KIAA1217: variants seen among roughly 807,000 people sequenced by gnomAD.
KIAA1217 encodes the protein KIAA1217.
KIAA1217 carries 88 observed loss-of-function variants against 163.9 expected under a neutral mutation model. The ratio of observed to expected loss-of-function variants is 0.54; its 90% CI spans 0.45 to 0.64. KIAA1217 has a LOEUF of 0.64. Among genes scored for constraint, KIAA1217 ranks in the 30% least tolerant of loss-of-function variants. The probability of loss-of-function intolerance (pLI) is 0.00; values close to 1 mark genes in which losing one functional copy is unlikely to be tolerated. For synonymous variants in KIAA1217, 903 were observed against 923.1 expected, an observed-to-expected ratio of 0.98 and a Z score of 0.39; for missense variants, 2,372 against 2,475.0, an observed-to-expected ratio of 0.96 and a Z score of 0.88.
chr10:24,417,767 T>A (rs769713034), intron 3 of KIAA1217, among the ~76,000 whole-genome samples: 1 of 152,088 alleles, frequency 6.6e-6, no homozygotes, highest in Non-Finnish European at 1.5e-5. Context: ...AAAAATGAGC[T>A]TGAAAAATTA....
intron 2 of KIAA1217, among the ~76,000 whole-genome samples, chr10:24,367,957 G>A (rs1415751615): frequency 6.6e-6 from 1 of 152,150 alleles, no homozygotes; most frequent in Non-Finnish European, 1.5e-5. Context: ...CTTCCCATTG[G>A]TCAGTCTTCA....
At chr10:23,771,559 A>C (rs1269707632) in intron 1 of KIAA1217, among the ~76,000 whole-genome samples, 1 of 152,218 alleles carries the variant, frequency 6.6e-6, no homozygotes, top group East Asian at 1.9e-4. Context: ...AAACTTTTAA[A>C]TGTTAAGGCA....
chr10:23,706,253 C>A lies in KIAA1217; in HGVS notation c.-321+11019C>A, dbSNP rs187653551. Among the ~76,000 whole-genome samples, 12 of 152,206 alleles carry A rather than the reference C, an allele frequency of 7.9e-5. No homozygotes were observed. The East Asian group carries it at 2.3e-3, about 29-fold the overall frequency. ...AATCTAGATGTGTTTTTCTACCTCCCTCCCTTTTTTACTTCCTTGCCTAAT... is the reference window on the plus strand; with the variant it reads ...AATCTAGATGTGTTTTTCTACCTCCATCCCTTTTTTACTTCCTTGCCTAAT... On this transcript the variant is annotated intron_variant, in intron 1 of 18. Transcript: ENST00000376462.
At chr10:24,360,558 G>A (rs2049834419) in intron 2 of KIAA1217, among the ~76,000 whole-genome samples, 1 of 152,156 alleles carries the variant, frequency 6.6e-6, no homozygotes, top group African/African-American at 2.4e-5. Flanking sequence ...GCCCGAGTTT[G>A]AACCAGGGCC....
chr10:24,471,106 C>G (rs1020881066), intron 5 of KIAA1217, among the ~76,000 whole-genome samples: 1 of 152,150 alleles, frequency 6.6e-6, no homozygotes, highest in East Asian at 1.9e-4. Context: ...TAGTTTGTAT[C>G]CTGTGCATTA....
intron 1 of KIAA1217, among the ~76,000 whole-genome samples, chr10:23,955,920 C>T (rs1218243820): frequency 6.6e-6 from 1 of 152,074 alleles, no homozygotes; most frequent in Non-Finnish European, 1.5e-5. Context: ...CAATCAGAGG[C>T]CTGCAATCTT....
At chr10:24,138,681 T>C (rs2063932431) in intron 2 of KIAA1217, among the ~76,000 whole-genome samples, 1 of 151,558 alleles carries the variant, frequency 6.6e-6, no homozygotes. Flanking sequence ...AACATTTATA[T>C]ATCACCACTT....
intron 2 of KIAA1217, among the ~76,000 whole-genome samples, chr10:24,246,875 A>G (rs1325032508): frequency 6.6e-6 from 1 of 151,990 alleles, no homozygotes; most frequent in Non-Finnish European, 1.5e-5. Context: ...TTAGCTGCAC[A>G]CGGTGGTGCG....
At chr10:24,467,259 G>C (rs1006341113) in intron 5 of KIAA1217, among the ~76,000 whole-genome samples, 12 of 152,206 alleles carry the variant, frequency 7.9e-5, no homozygotes, top group Admixed American at 3.3e-4. Flanking sequence ...ACAGCATTTT[G>C]ATCCGTGTGC....
At chr10:23,982,102 T>A (rs930121126) in intron 1 of KIAA1217, among the ~76,000 whole-genome samples, 2 of 151,894 alleles carry the variant, frequency 1.3e-5, no homozygotes, top group Non-Finnish European at 2.9e-5. Flanking sequence ...GGAAATCTTG[T>A]GGTGACTCTG....
intron 1 of KIAA1217, among the ~76,000 whole-genome samples, chr10:23,743,378 T>C (rs1167166670): frequency 6.6e-6 from 1 of 152,206 alleles, no homozygotes; most frequent in Non-Finnish European, 1.5e-5. Context: ...ATGTGATATG[T>C]ACTAAAATCA....
intron 1 of KIAA1217, among the ~76,000 whole-genome samples, chr10:23,804,843 A>G (rs758207344): frequency 6.6e-6 from 1 of 152,208 alleles, no homozygotes; most frequent in Non-Finnish European, 1.5e-5. Flanking sequence ...GTATTTAATG[A>G]CACCTTAATA....
At chr10:24,185,156 CT>C (rs1281941104) in intron 2 of KIAA1217, among the ~76,000 whole-genome samples, 1 of 152,120 alleles carries the variant, frequency 6.6e-6, no homozygotes, top group Admixed American at 6.5e-5. Context: ...AGAGGGAACT[CT>C]CAGAATCACC....
chr10:24,460,957 G>A (rs2132590461), intron 5 of KIAA1217, among the ~76,000 whole-genome samples: 1 of 152,286 alleles, frequency 6.6e-6, no homozygotes, highest in Middle Eastern at 3.4e-3. Flanking sequence ...ATGAGGCTGT[G>A]AGAAAGGAGT....
At chr10:24,290,756 C>G (rs774962105) in intron 2 of KIAA1217, among the ~76,000 whole-genome samples, 8 of 152,000 alleles carry the variant, frequency 5.3e-5, no homozygotes, top group Admixed American at 1.3e-4. Flanking sequence ...GTGCCCACCA[C>G]CATGCCTGGC....
At chr10:24,104,766 G>C (rs1156637680) in intron 2 of KIAA1217, among the ~76,000 whole-genome samples, 1 of 152,192 alleles carries the variant, frequency 6.6e-6, no homozygotes, top group Non-Finnish European at 1.5e-5. Flanking sequence ...ACAAAAAGTA[G>C]ACGGTGACTT....
chr10:23,839,273 A>G (rs1838652818), intron 1 of KIAA1217, among the ~76,000 whole-genome samples: 1 of 152,248 alleles, frequency 6.6e-6, no homozygotes, highest in South Asian at 2.1e-4. Flanking sequence ...CAAAACCAGT[A>G]TTGCTGACAA....
chr10:23,839,885 G>T (rs576677360), intron 1 of KIAA1217, among the ~76,000 whole-genome samples: 1 of 152,078 alleles, frequency 6.6e-6, no homozygotes, highest in Non-Finnish European at 1.5e-5. Context: ...TATTGAAAAC[G>T]TATGTGTCCA....
chr10:24,545,246 T>G, intron 20 of KIAA1217, 143 bp downstream of exon 20: 1 of 1,441,524 alleles, frequency 6.9e-7, no homozygotes, highest in Non-Finnish European at 9.1e-7. Context: ...GAAGAAAGTC[T>G]AAATAAACCT....
Sources: allele counts gnomAD v4.1 joint callset (sites outside exome capture counted in the v4.1 genomes callset), GRCh38; gene constraint gnomAD v4.1.1; transcripts MANE v1.5; gene names NCBI Gene and HGNC (gene_info 2026-07-23, HGNC 2026-07-21).